TNR: variants seen among roughly 807,000 people sequenced by gnomAD.
The protein encoded by TNR is tenascin-R.
TNR carries 45 observed loss-of-function variants against 150.4 expected under a neutral mutation model. That is an observed-to-expected ratio of 0.30 (90% CI 0.24 to 0.38). The LOEUF is 0.38. TNR is among the 10% of genes least tolerant of loss of function. The probability of loss-of-function intolerance (pLI) is 1.00; values close to 1 mark genes in which losing one functional copy is unlikely to be tolerated. For synonymous variants in TNR, 687 were observed against 678.4 expected, an observed-to-expected ratio of 1.01 and a Z score of -0.20; for missense variants, 1,544 against 1,759.1, an observed-to-expected ratio of 0.88 and a Z score of 2.19.
intron 2 of TNR, among the ~76,000 whole-genome samples, chr1:175,408,627 G>A (rs974541347): frequency 2.0e-5 from 3 of 152,188 alleles, no homozygotes; most frequent in African/African-American, 7.2e-5. Context: ...TTTTCTAGCT[G>A]TGGGAAGATC....
intron 9 of TNR, 151 bp from the exon 10 acceptor site, chr1:175,367,448 C>G (rs1651897483): frequency 1.4e-6 from 1 of 717,806 alleles, no homozygotes; most frequent in Non-Finnish European, 2.4e-6. Context: ...TAAGAAATCC[C>G]AATTTCACTA....
At chr1:175,432,960 G>A (rs1256654000) in intron 2 of TNR, among the ~76,000 whole-genome samples, 1 of 152,196 alleles carries the variant, frequency 6.6e-6, no homozygotes, top group Non-Finnish European at 1.5e-5. Flanking sequence ...TTGACCAGCT[G>A]TGAAATGTAG....
At chr1:175,551,432 G>A (rs192930813) in intron 1 of TNR, among the ~76,000 whole-genome samples, 227 of 152,294 alleles carry the variant, frequency 1.5e-3, no homozygotes, top group African/African-American at 5.1e-3. Context: ...AATCCAAAAA[G>A]GGGGAAAGCA....
intron 7 of TNR, among the ~76,000 whole-genome samples, chr1:175,391,036 C>A (rs1653142707): frequency 6.6e-6 from 1 of 152,120 alleles, no homozygotes; most frequent in South Asian, 2.1e-4. Context: ...AGCATAAATA[C>A]AATGGAAATA....
chr1:175,576,312 G>A (rs187186309), intron 1 of TNR, among the ~76,000 whole-genome samples: 1 of 152,302 alleles, frequency 6.6e-6, no homozygotes, highest in East Asian at 1.9e-4. Context: ...AAGTCAGGTG[G>A]AGAGAATTTG....
intron 1 of TNR, among the ~76,000 whole-genome samples, chr1:175,725,311 A>G (rs1667448247): frequency 6.6e-6 from 1 of 152,240 alleles, no homozygotes; most frequent in African/African-American, 2.4e-5. Flanking sequence ...TTCCAGCCAT[A>G]TAAGTGAACC....
At chr1:175,528,644 A>C (rs1304478631) in intron 1 of TNR, among the ~76,000 whole-genome samples, 1 of 152,238 alleles carries the variant, frequency 6.6e-6, no homozygotes, top group Non-Finnish European at 1.5e-5. Context: ...ATAAATCCAG[A>C]AATGTGCTTT....
chr1:175,721,490 G>A (rs948189764), intron 1 of TNR, among the ~76,000 whole-genome samples: 2 of 152,084 alleles, frequency 1.3e-5, no homozygotes, highest in African/African-American at 4.8e-5. Context: ...AAACCAGACT[G>A]ATCTGTCGCC....
chr1:175,733,459 C>A (rs1214847683), intron 1 of TNR, among the ~76,000 whole-genome samples: 1 of 152,162 alleles, frequency 6.6e-6, no homozygotes, highest in Non-Finnish European at 1.5e-5. Context: ...AGAAGTCACC[C>A]CAGGCCCTCT....
intron 18 of TNR, among the ~76,000 whole-genome samples, 189 bp from the exon 19 acceptor site, chr1:175,337,868 T>A (rs1018252184): frequency 6.6e-6 from 1 of 152,220 alleles, no homozygotes; most frequent in African/African-American, 2.4e-5. Context: ...ACAACTGTTG[T>A]TAGACTTATC....
At chr1:175,396,074 G>A (rs985173291) in intron 5 of TNR, among the ~76,000 whole-genome samples, 2 of 152,200 alleles carry the variant, frequency 1.3e-5, no homozygotes, top group African/African-American at 4.8e-5. Flanking sequence ...CTCTCTATCA[G>A]GAGAAGGGGA....
In TNR at chr1:175,709,292, T is replaced by TAC. The variant is rs1558084753; in HGVS notation, c.-165+33933_-165+33934insGT. 2.3e-3 allele frequency among the ~76,000 whole-genome samples: 305 copies of TAC among 133,756 alleles called. 3 individuals carry two copies. The highest frequency in any genetic ancestry group is 8.2e-3 in the African/African-American group (275 of 33,708). The allele number at this position is 133,756 out of a possible 152,430, so 87.7% of individuals were successfully genotyped here. A position where few individuals can be genotyped will look rare whatever the true frequency, so the allele number is the denominator to read the frequency against. On this transcript the variant is annotated intron_variant, in intron 1 of 22. Transcript: ENST00000367674. Reference sequence around the variant, plus strand: ...CCAAAATTGGGCTTCCTCCCTTGCTTTCACACACACACACATACACACACA... The same window carrying TAC: ...CCAAAATTGGGCTTCCTCCCTTGCTTACTCACACACACACACATACACACACA...
At chr1:175,713,480 C>A (rs892630874) in intron 1 of TNR, among the ~76,000 whole-genome samples, 5 of 152,112 alleles carry the variant, frequency 3.3e-5, no homozygotes, top group African/African-American at 9.7e-5. Flanking sequence ...TAACTTATAA[C>A]AAGTAACAGC....
intron 2 of TNR, among the ~76,000 whole-genome samples, chr1:175,427,343 T>A (rs967450214): frequency 2.0e-5 from 3 of 152,154 alleles, no homozygotes; most frequent in African/African-American, 7.2e-5. Context: ...ATTCTGATAA[T>A]ATATTTCATA....
chr1:175,362,532 C>T (rs1179735169), intron 14 of TNR, 131 bp downstream of exon 14: 5 of 1,149,022 alleles, frequency 4.4e-6, no homozygotes, highest in African/African-American at 1.5e-5. Flanking sequence ...AATTGCCCTG[C>T]AAGACACAGT....
intron 1 of TNR, among the ~76,000 whole-genome samples, chr1:175,586,945 A>G (rs972551427): frequency 3.3e-5 from 5 of 152,200 alleles, no homozygotes; most frequent in Admixed American, 3.3e-4. Context: ...CTACTTAATG[A>G]AACATCAGCA....
At chr1:175,479,888 C>A (rs748864061) in intron 2 of TNR, among the ~76,000 whole-genome samples, 2 of 152,074 alleles carry the variant, frequency 1.3e-5, no homozygotes, top group Admixed American at 6.6e-5. Flanking sequence ...GCATAACCAT[C>A]CACTAATCTA....
chr1:175,379,103 C>T (rs765319170), intron 9 of TNR, among the ~76,000 whole-genome samples: 16 of 149,770 alleles, frequency 1.1e-4, no homozygotes, highest in Non-Finnish European at 1.9e-4. Context: ...CGCTTGAACC[C>T]GGGAGGCAGA....
At chr1:175,627,243 A>G (rs1348908136) in intron 1 of TNR, among the ~76,000 whole-genome samples, 1 of 152,228 alleles carries the variant, frequency 6.6e-6, no homozygotes, top group Non-Finnish European at 1.5e-5. Context: ...AAAGCCCTGG[A>G]TTGAGAGTAA....
Sources: gnomAD v4.1 joint callset for allele counts (sites outside exome capture counted in the v4.1 genomes callset) on GRCh38, gnomAD v4.1.1 for gene constraint, MANE v1.5 for transcripts, NCBI Gene and HGNC (gene_info 2026-07-23, HGNC 2026-07-21) for gene names.